MTREX: variants seen among roughly 807,000 people sequenced by gnomAD.
The protein encoded by MTREX is exosome RNA helicase MTR4.
Under a neutral mutation model 135.4 loss-of-function variants are expected in MTREX, and 76 were observed. The ratio of observed to expected loss-of-function variants is 0.56; its 90% confidence interval spans 0.47 to 0.68. The LOEUF is 0.68. Ranked by LOEUF, MTREX falls within the 30% of genes least tolerant of loss-of-function variation. MTREX has a pLI of 0.00. For synonymous variants in MTREX, 404 were observed against 401.6 expected, an observed-to-expected ratio of 1.01 and a Z score of -0.07; for missense variants, 920 against 1,262.1, an observed-to-expected ratio of 0.73 and a Z score of 4.11.
Position 55,359,809 on chromosome 5 carries a change from A to G in MTREX, c.1659+1111A>G, listed in dbSNP as rs546303451. Among the ~76,000 whole-genome samples, 310 of 152,322 alleles carry G rather than the reference A, an allele frequency of 2.0e-3. 4 individuals carry two copies. The highest frequency in any genetic ancestry group is 7.2e-3 in the African/African-American group (300 of 41,578). ...GCCAGATTATAGGAGGTAATATTTTAATGACAGCATCTGGTTCCTTTAGTG... is the reference window on the plus strand; with the variant it reads ...GCCAGATTATAGGAGGTAATATTTTGATGACAGCATCTGGTTCCTTTAGTG... On this transcript the variant is annotated intron_variant, in intron 15 of 26. Transcript: ENST00000230640.
rs200223032 is a variant in MTREX at position 55,366,785 on chromosome 5, C to G, written c.1720C>G (p.Leu574Val). ...GACCTACAACATGGTTTTGAACTTA[C>G]TACGTGTAGAAGAAATTAATCCTGA... is the stretch of plus-strand genomic sequence containing the variant. Reference protein sequence around the residue: ...HLTYNMVLNLLRVEEINPEYM... With the variant: ...HLTYNMVLNLVRVEEINPEYM... The change falls in exon 16 of 27, where the codon CTA (leucine) becomes GTA (valine). Residue 574 changes from leucine (L) to valine (V), a missense_variant. By Grantham distance (32) the Leu-to-Val change is conservative. Coordinates refer to ENST00000230640, the MANE Select transcript of MTREX (RefSeq NM_015360.5). 1 of 1,611,442 alleles carries G rather than the reference C, an allele frequency of 6.2e-7. No individual in the cohort carries two copies. Among genetic ancestry groups the G allele is most frequent in the Non-Finnish European group, 8.5e-7 (1 of 1,178,612 alleles).
At chr5:55,369,915 C>CTTTTTTTTTT (rs60011222) in intron 16 of MTREX, among the ~76,000 whole-genome samples, 2 of 141,424 alleles carry the variant, frequency 1.4e-5, no homozygotes, top group Non-Finnish European at 1.5e-5. Context: ...TTTCTTTTTT[C>CTTTTTTTTTT]TTTTTTTTTT....
intron 1 of MTREX, among the ~76,000 whole-genome samples, chr5:55,313,344 GT>G (rs1449519686): frequency 2.0e-5 from 3 of 152,036 alleles, no homozygotes; most frequent in Non-Finnish European, 2.9e-5. Context: ...GGAGGCTGAG[GT>G]TGGAGGATTG....
intron 1 of MTREX, among the ~76,000 whole-genome samples, chr5:55,309,166 TAGG>T (rs1490289981): frequency 1.3e-5 from 2 of 152,202 alleles, no homozygotes; most frequent in East Asian, 1.9e-4. Context: ...TGTTTGTTTT[TAGG>T]AGCATAAATT....
chr5:55,389,352 A>C (rs1246502724), intron 19 of MTREX, among the ~76,000 whole-genome samples: 1 of 152,102 alleles, frequency 6.6e-6, no homozygotes, highest in Non-Finnish European at 1.5e-5. Flanking sequence ...AAGTCATAGC[A>C]CTCTTACACT....
chr5:55,326,400 AAAAAAAG>A (rs549634767), intron 3 of MTREX, among the ~76,000 whole-genome samples: 200 of 152,174 alleles, frequency 1.3e-3, no homozygotes, highest in Non-Finnish European at 2.4e-3. Context: ...ACTCTGTCTC[AAAAAAAG>A]AAAAAAGAAA....
chr5:55,308,046 CG>C lies in MTREX; in HGVS notation c.34del (p.Val12CysfsTer55). ...ACGCATTCGGAGATGAGCTGTTCAG[CG>C]TGTTCGAGGGCGACTCGACCACTGC... ...ADAFGDELFS[V>X]FEGDSTTAAG... On this transcript the variant is annotated frameshift_variant, in exon 1 of 27. Transcript: ENST00000230640. LOFTEE classifies it high-confidence loss of function. The C allele has an allele frequency of 6.2e-7, 1 of 1,614,028 alleles. No individual in the cohort carries two copies. Among genetic ancestry groups the C allele is most frequent in the East Asian group, 2.2e-5 (1 of 44,862 alleles).
chr5:55,399,767 G>A lies in MTREX; in HGVS notation c.2293-466G>A, dbSNP rs1024721786. Among the ~76,000 whole-genome samples, 7 of 152,290 alleles carry A rather than the reference G, an allele frequency of 4.6e-5. No individual in the cohort carries two copies. In the South Asian group the frequency reaches 8.3e-4, roughly 18 times the overall value. ...CTCCCAAAGTGCTGGGATTACAGGC[G>A]TGAGCCACCGCGCCTGGCCCTCAGG... is the stretch of plus-strand genomic sequence containing the variant. On this transcript the variant is annotated intron_variant, in intron 20 of 26. Coordinates refer to ENST00000230640, the MANE Select transcript of MTREX (RefSeq NM_015360.5).
intron 1 of MTREX, among the ~76,000 whole-genome samples, chr5:55,320,930 C>T (rs954791602): frequency 6.6e-6 from 1 of 152,116 alleles, no homozygotes; most frequent in Non-Finnish European, 1.5e-5. Context: ...TTGACCAAAA[C>T]AACATGTCAT....
At position 55,397,449 on chromosome 5, in the gene MTREX, A is replaced by G. The variant is rs199858722; in HGVS notation, c.2215A>G (p.Ile739Val). Reference sequence around the variant, plus strand: ...AGTTTTGGTGCATCTCCTGTCTGCTATCAGCAGTGTTAGGCTTTACATTCC... The same window carrying G: ...AGTTTTGGTGCATCTCCTGTCTGCTGTCAGCAGTGTTAGGCTTTACATTCC... ...VPVLVHLLSA[I>V]SSVRLYIPKD... The change falls in exon 20 of 27, where the codon ATC (isoleucine) becomes GTC (valine). Residue 739 changes from isoleucine to valine, a missense_variant. Physicochemically the swap from Ile to Val is conservative, Grantham distance 29 (BLOSUM62 3). Coordinates refer to ENST00000230640, the MANE Select transcript of MTREX (RefSeq NM_015360.5). The G allele has an allele frequency of 1.4e-5, 23 of 1,610,152 alleles. No homozygotes were observed. The African/African-American group carries it at 1.6e-4, about 11-fold the overall frequency.
chr5:55,374,639 T>G (rs1750264426), intron 16 of MTREX, among the ~76,000 whole-genome samples: 1 of 152,152 alleles, frequency 6.6e-6, no homozygotes, highest in Non-Finnish European at 1.5e-5. Context: ...AGAACAACTT[T>G]GTTTCCTTCT....
intron 18 of MTREX, among the ~76,000 whole-genome samples, chr5:55,386,813 A>G (rs1396179908): frequency 2.6e-5 from 4 of 152,096 alleles, no homozygotes; most frequent in African/African-American, 9.7e-5. Context: ...GAGCTAATTC[A>G]TCTATCACAT....
At chr5:55,389,645 T>C (rs1382666844) in intron 19 of MTREX, among the ~76,000 whole-genome samples, 2 of 152,154 alleles carry the variant, frequency 1.3e-5, no homozygotes, top group Non-Finnish European at 2.9e-5. Flanking sequence ...AACAAACTTG[T>C]AGGAACATGA....
Position 55,424,970 on chromosome 5 carries a change from C to G in MTREX, c.*198C>G, listed in dbSNP as rs1305769565. On this transcript the variant is annotated 3_prime_UTR_variant, in exon 27 of 27. Transcript: ENST00000230640. The stretch of plus-strand genomic sequence containing the variant: ...TACATTTTTTTAATAAAAATGTATA[C>G]AGGTGGGGCACTGTTTTGGTGGAAG... 1.6e-6 allele frequency: 1 copy of G among 642,290 alleles called. No individual in the cohort carries two copies. The highest frequency in any genetic ancestry group is 2.6e-6 in the Non-Finnish European group (1 of 382,020). The allele number at this position is 642,290 out of a possible 1,614,324, so 39.8% of individuals were successfully genotyped here.
chr5:55,394,635 C>G (rs1338528325), intron 19 of MTREX, among the ~76,000 whole-genome samples: 9 of 152,188 alleles, frequency 5.9e-5, no homozygotes, highest in Non-Finnish European at 7.3e-5. Flanking sequence ...TGCTCTCTCC[C>G]CCACCACTCT....
At chr5:55,372,899 TG>T (rs1474688570) in intron 16 of MTREX, among the ~76,000 whole-genome samples, 1 of 121,798 alleles carries the variant, frequency 8.2e-6, no homozygotes, top group Non-Finnish European at 1.7e-5. Flanking sequence ...GTAATGTGTG[TG>T]TGTGTGTGTG....
intron 1 of MTREX, among the ~76,000 whole-genome samples, chr5:55,321,604 T>C (rs915973405): frequency 2.3e-5 from 3 of 131,210 alleles, no homozygotes; most frequent in Middle Eastern, 3.8e-3. Flanking sequence ...CAAACATCTA[T>C]TTTTTTTTTT....
At chr5:55,402,822 A>ATGTGTGTGTG (rs147629671) in intron 21 of MTREX, among the ~76,000 whole-genome samples, 20 of 143,720 alleles carry the variant, frequency 1.4e-4, no homozygotes, top group South Asian at 6.7e-4. Flanking sequence ...AGCACATTAT[A>ATGTGTGTGTG]TGTGTGTGTG....
chr5:55,329,507 C>G (rs145871282), intron 5 of MTREX: 1 of 152,046 alleles, frequency 6.6e-6, no homozygotes, highest in Non-Finnish European at 1.5e-5. Flanking sequence ...TAATTTGACA[C>G]GTCTGATAAG....
Sources: gnomAD v4.1 joint callset for allele counts (sites outside exome capture counted in the v4.1 genomes callset) on GRCh38, gnomAD v4.1.1 for gene constraint, MANE v1.5 for transcripts, NCBI Gene and HGNC (gene_info 2026-07-23, HGNC 2026-07-21) for gene names.